The following LAMA2 variants were observed in gnomAD, a reference collection of about 807,000 sequenced individuals.
LAMA2 encodes laminin subunit alpha 2.
Under a neutral mutation model 364.8 loss-of-function variants are expected in LAMA2, and 269 were observed. That is an observed-to-expected ratio of 0.74 (90% confidence interval 0.67 to 0.82). The LOEUF (loss-of-function observed/expected upper bound fraction) is 0.82. Among genes scored for constraint, LAMA2 ranks in the 40% least tolerant of loss-of-function variants. LAMA2 has a pLI of 0.00. For synonymous variants in LAMA2, 1,379 were observed against 1,370.6 expected (o/e 1.01, Z -0.14); for missense variants, 3,807 against 3,873.2 (o/e 0.98, Z 0.45).
Position 129,111,354 on chromosome 6 carries a change from A to T in LAMA2, c.639+12939A>T, listed in dbSNP as rs565596579. 5.9e-5 allele frequency among the ~76,000 whole-genome samples: 9 copies of T among 152,198 alleles called. No individual in the cohort carries two copies. The South Asian group carries it at 6.2e-4, about 11-fold the overall frequency. On this transcript the variant is annotated intron_variant, in intron 4 of 64. Transcript: ENST00000421865. The stretch of plus-strand genomic sequence containing the variant: ...TCAGGGATAACAAAAATCCTATGAT[A>T]CTTATTTTGCAAAGGAAAATGGCAG...
chr6:129,172,992 G>T (rs977058492), intron 9 of LAMA2, among the ~76,000 whole-genome samples: 8 of 152,228 alleles, frequency 5.3e-5, no homozygotes, highest in Non-Finnish European at 1.0e-4. Context: ...CTGACCCCTT[G>T]CGCTTCCCAA....
intron 16 of LAMA2, 61 bp downstream of exon 16, chr6:129,267,280 TA>T: frequency 9.0e-7 from 1 of 1,112,102 alleles, no homozygotes; most frequent in Non-Finnish European, 1.4e-6. Context: ...CGACAGATGC[TA>T]CAATTCAGCT....
At chr6:129,470,976 C>G (rs569177822) in intron 51 of LAMA2, among the ~76,000 whole-genome samples, 1 of 151,798 alleles carries the variant, frequency 6.6e-6, no homozygotes, top group Non-Finnish European at 1.5e-5. Context: ...GTTGAGAACA[C>G]TCAATTAGAT....
At chr6:129,484,569 A>C (rs1419447622) in intron 55 of LAMA2, among the ~76,000 whole-genome samples, 5 of 152,170 alleles carry the variant, frequency 3.3e-5, no homozygotes, top group Admixed American at 6.6e-5. Context: ...GCACTTTTGC[A>C]TAATGGGATA....
intron 3 of LAMA2, among the ~76,000 whole-genome samples, chr6:129,065,132 A>G (rs953167598): frequency 2.6e-5 from 4 of 152,222 alleles, no homozygotes; most frequent in Non-Finnish European, 5.9e-5. Context: ...GATACCTTAC[A>G]TTAGTAGAAT....
chr6:129,465,051 C>T (rs774927070), intron 50 of LAMA2, 94 bp from the exon 51 acceptor site: 35 of 990,708 alleles, frequency 3.5e-5, no homozygotes, highest in Admixed American at 5.2e-5. Context: ...AGCAATTTAG[C>T]CACAAGACCC....
intron 1 of LAMA2, among the ~76,000 whole-genome samples, chr6:128,900,627 G>A (rs1777031550): frequency 6.6e-6 from 1 of 152,184 alleles, no homozygotes; most frequent in African/African-American, 2.4e-5. Context: ...GTAAGATCAT[G>A]GATTCCTGAA....
chr6:129,148,272 A>G (rs1353173603), intron 6 of LAMA2, among the ~76,000 whole-genome samples: 2 of 152,094 alleles, frequency 1.3e-5, no homozygotes, highest in Non-Finnish European at 2.9e-5. Context: ...CAAACACTAT[A>G]TGTTCTCACT....
chr6:129,386,599 A>G (rs1286612371), intron 35 of LAMA2, among the ~76,000 whole-genome samples: 3 of 152,300 alleles, frequency 2.0e-5, no homozygotes, highest in East Asian at 3.8e-4. Context: ...ATGTTAAATG[A>G]GGGTAAGTAA....
chr6:129,210,409 CA>C (rs1783020424), intron 12 of LAMA2, among the ~76,000 whole-genome samples: 1 of 152,072 alleles, frequency 6.6e-6, no homozygotes, highest in Non-Finnish European at 1.5e-5. Context: ...CACGCACACA[CA>C]CACACACACA....
chr6:129,232,966 G>C (rs1435477557), intron 12 of LAMA2, among the ~76,000 whole-genome samples: 1 of 152,096 alleles, frequency 6.6e-6, no homozygotes, highest in Non-Finnish European at 1.5e-5. Flanking sequence ...CTAGAACCTG[G>C]AAAAGAGCAT....
At chr6:129,200,218 A>G (rs1345802577) in intron 12 of LAMA2, among the ~76,000 whole-genome samples, 1 of 141,464 alleles carries the variant, frequency 7.1e-6, no homozygotes. Context: ...ACATGTGTAT[A>G]TATATACGTG....
At chr6:129,424,851 T>C (rs941439242) in intron 40 of LAMA2, among the ~76,000 whole-genome samples, 7 of 151,344 alleles carry the variant, frequency 4.6e-5, no homozygotes, top group Admixed American at 1.3e-4. Flanking sequence ...ATTCTGCTTC[T>C]GTGTATTTAC....
intron 48 of LAMA2, among the ~76,000 whole-genome samples, chr6:129,459,220 T>C (rs1228416732): frequency 1.3e-5 from 2 of 152,050 alleles, no homozygotes; most frequent in Non-Finnish European, 2.9e-5. Context: ...TGTAACTCAA[T>C]GGTAAGTATT....
chr6:129,172,935 C>A (rs986084543), intron 9 of LAMA2, among the ~76,000 whole-genome samples: 5 of 152,170 alleles, frequency 3.3e-5, no homozygotes, highest in Non-Finnish European at 7.4e-5. Context: ...ACCCGATTTT[C>A]CAGGTGCCGT....
Position 129,098,189 on chromosome 6 carries a change from A to C in LAMA2, c.413A>C (p.Tyr138Ser). ...CTTCCCTAGGTGTTCCAGATCGCGTATGTGATTGTGAAGGCAGCTAACTCC... is the reference window on the plus strand; with the variant it reads ...CTTCCCTAGGTGTTCCAGATCGCGTCTGTGATTGTGAAGGCAGCTAACTCC... ...LDLQQVFQIA[Y>S]VIVKAANSPR... Residue 138 changes from tyrosine to serine, a missense_variant, in exon 4 of 65, where the codon TAT (tyrosine) becomes TCT (serine). By Grantham distance (144) the Tyr-to-Ser change is moderately radical. This residue lies in a region of LAMA2 where 394 missense variants were observed against 403.5 expected (regional missense o/e 0.98). Coordinates refer to ENST00000421865, the MANE Select transcript of LAMA2 (RefSeq NM_000426.4). 1 of 1,614,086 alleles carries C rather than the reference A, an allele frequency of 6.2e-7. No homozygotes were observed. Among genetic ancestry groups the C allele is most frequent in the African/African-American group, 1.3e-5 (1 of 75,036 alleles).
At chr6:129,363,067 G>A (rs1468925680) in intron 32 of LAMA2, among the ~76,000 whole-genome samples, 1 of 152,132 alleles carries the variant, frequency 6.6e-6, no homozygotes, top group African/African-American at 2.4e-5. Context: ...CCAGCACTTG[G>A]GGAAGCTGAG....
At chr6:129,365,978 C>T (rs1191805447) in intron 32 of LAMA2, among the ~76,000 whole-genome samples, 1 of 152,138 alleles carries the variant, frequency 6.6e-6, no homozygotes, top group Non-Finnish European at 1.5e-5. Flanking sequence ...CTCTTTGGTC[C>T]CTCAGTTTAT....
At chr6:129,170,142 T>G (rs987783050) in intron 9 of LAMA2, among the ~76,000 whole-genome samples, 1 of 150,620 alleles carries the variant, frequency 6.6e-6, no homozygotes, top group Non-Finnish European at 1.5e-5. Context: ...TTTTGAAGGG[T>G]TTTTTGTGTC....
Sources: allele counts gnomAD v4.1 joint callset (sites outside exome capture counted in the v4.1 genomes callset), GRCh38; gene constraint gnomAD v4.1.1; regional missense constraint gnomAD v4.1.1; transcripts MANE v1.5; gene names NCBI Gene and HGNC (gene_info 2026-07-23, HGNC 2026-07-21).